TRIM55: variants seen among roughly 807,000 people sequenced by gnomAD.
TRIM55 encodes the protein tripartite motif-containing protein 55.
Under a neutral mutation model 60.9 loss-of-function variants are expected in TRIM55, and 50 were observed. The observed-to-expected ratio is 0.82, with a 90% CI of 0.65 to 1.04. The LOEUF (loss-of-function observed/expected upper bound fraction) is 1.04, where lower values mean the gene tolerates loss of function less well. Ranked by LOEUF, TRIM55 falls within the 50% of genes least tolerant of loss-of-function variation. The pLI, the probability that TRIM55 is intolerant of heterozygous loss-of-function variation, is 0.00. For synonymous variants in TRIM55, 237 were observed against 238.1 expected, an observed-to-expected ratio of 1.00 and a Z score of 0.04; for missense variants, 681 against 666.9, an observed-to-expected ratio of 1.02 and a Z score of -0.23.
chr8:66,114,560 AG>A, the TRIM55 span: 1 of 456,246 alleles, frequency 2.2e-6, no homozygotes, highest in African/African-American at 2.0e-5. Context: ...CTGCATTTCC[AG>A]GGACTCATCT....
upstream of TRIM55, among the ~76,000 whole-genome samples, chr8:66,122,663 G>A (rs1808677407): frequency 6.6e-6 from 1 of 152,148 alleles, no homozygotes; most frequent in Non-Finnish European, 1.5e-5. Flanking sequence ...TCTCGGCCAA[G>A]GTCATTCCAA....
chr8:66,113,713 C>T, the TRIM55 span: 90 of 384,632 alleles, frequency 2.3e-4, 1 homozygote, highest in South Asian at 1.6e-3. Flanking sequence ...TCTTCTTAAC[C>T]CGTCTTTGGC....
At chr8:66,166,684 C>G (rs1473436552) in intron 9 of TRIM55, among the ~76,000 whole-genome samples, 1 of 152,206 alleles carries the variant, frequency 6.6e-6, no homozygotes, top group Non-Finnish European at 1.5e-5. Context: ...AACTGTTAAA[C>G]TTTCCCATTT....
chr8:66,157,040 G>A (rs1437162016), intron 9 of TRIM55, among the ~76,000 whole-genome samples: 1 of 152,192 alleles, frequency 6.6e-6, no homozygotes, highest in East Asian at 1.9e-4. Context: ...CTGAATAATT[G>A]TCTGAAGGGT....
At chr8:66,150,590 A>G in intron 7 of TRIM55, 124 bp downstream of exon 7, 1 of 1,084,690 alleles carries the variant, frequency 9.2e-7, no homozygotes. Context: ...CTTTACAAGG[A>G]TCATATCCAA....
In TRIM55 at chr8:66,127,301, C is replaced by A. The variant is rs1808861657; in HGVS notation, c.33C>A (p.Ser11=). Residue 11 remains serine (S), a synonymous_variant, in exon 1 of 10, where the codon TCC becomes TCA. Transcript: ENST00000315962. ...CATCTCTGAATTACAAATCTTTTTCCAAAGAGCAGCAGACCATGGATAACT... is the reference window on the plus strand; with the variant it reads ...CATCTCTGAATTACAAATCTTTTTCAAAAGAGCAGCAGACCATGGATAACT... The part of the protein sequence containing the change: MSASLNYKSF[S]KEQQTMDNLE... 6.2e-7 allele frequency: 1 copy of A among 1,614,074 alleles called. No homozygotes were observed.
chr8:66,171,120 T>C (rs1407992109), intron 9 of TRIM55, among the ~76,000 whole-genome samples: 1 of 152,194 alleles, frequency 6.6e-6, no homozygotes, highest in Non-Finnish European at 1.5e-5. Flanking sequence ...AGTTCAGGGG[T>C]ACAGGTTTGT....
chr8:66,170,260 C>T (rs1053071451), intron 9 of TRIM55, among the ~76,000 whole-genome samples: 1 of 152,168 alleles, frequency 6.6e-6, no homozygotes, highest in Non-Finnish European at 1.5e-5. Flanking sequence ...TTCCCCAGCC[C>T]CTGGTAACCA....
chr8:66,157,607 G>A (rs1025681263), intron 9 of TRIM55, among the ~76,000 whole-genome samples: 6 of 152,160 alleles, frequency 3.9e-5, no homozygotes, highest in Admixed American at 2.0e-4. Context: ...AGGTGGTCCC[G>A]TGTCAGAGTA....
At chr8:66,117,553 G>A in the TRIM55 span, among the ~76,000 whole-genome samples, 1 of 152,194 alleles carries the variant, frequency 6.6e-6, no homozygotes, top group African/African-American at 2.4e-5. Context: ...ATAGGCAAGG[G>A]CCAGATCATA....
Position 66,175,180 on chromosome 8 carries a change from C to G in TRIM55, c.*587C>G, listed in dbSNP as rs932124413. On this transcript the variant is annotated 3_prime_UTR_variant, in exon 10 of 10. Transcript: ENST00000315962. The stretch of plus-strand genomic sequence containing the variant: ...TTGAATTTGGTGACACTTTCATGGT[C>G]CAGAAAGCTGAAGGCCTGGGCATCT... 3 of 152,564 alleles carry G rather than the reference C, an allele frequency of 2.0e-5. No homozygotes were observed. The highest frequency in any genetic ancestry group is 2.0e-4 in the Admixed American group (3 of 15,276). The allele number at this position is 152,564 out of a possible 1,614,324, so 9.5% of individuals were successfully genotyped here. A position where few individuals can be genotyped will look rare whatever the true frequency, so the allele number is the denominator to read the frequency against.
intron 8 of TRIM55, among the ~76,000 whole-genome samples, chr8:66,153,394 G>A (rs746453307): frequency 3.9e-5 from 6 of 152,178 alleles, no homozygotes; most frequent in Non-Finnish European, 8.8e-5. Flanking sequence ...TCAGCAGACA[G>A]GATCCCAACC....
rs142024021 is a variant in TRIM55 at position 66,147,517 on chromosome 8, C to G, written c.604-2128C>G. ...CACATTAAAAAAAAAATCTATTCCG[C>G]CAGGATTGGTGGCTCACGCCTGTAA... On this transcript the variant is annotated intron_variant, in intron 4 of 9. Transcript: ENST00000315962. Among the ~76,000 whole-genome samples, 4 of 152,232 alleles carry G rather than the reference C, an allele frequency of 2.6e-5. No individual in the cohort carries two copies. In the East Asian group the frequency reaches 7.7e-4, roughly 29 times the overall value.
At chr8:66,127,857 A>C (rs1808908282) in intron 1 of TRIM55, among the ~76,000 whole-genome samples, 1 of 152,174 alleles carries the variant, frequency 6.6e-6, no homozygotes, top group East Asian at 1.9e-4. Context: ...ACAAACAAAC[A>C]AAAAAACTTT....
intron 9 of TRIM55, among the ~76,000 whole-genome samples, chr8:66,160,977 T>C (rs1356892272): frequency 6.6e-6 from 1 of 152,140 alleles, no homozygotes; most frequent in Non-Finnish European, 1.5e-5. Flanking sequence ...GGGTTGTCTA[T>C]TAACTCTGCT....
At chr8:66,150,122 A>G in intron 5 of TRIM55, 95 bp from the exon 6 acceptor site, 5 of 1,413,118 alleles carry the variant, frequency 3.5e-6, no homozygotes, top group East Asian at 2.3e-5. Context: ...AAACTAAGCT[A>G]TGAGATTCTC....
At chr8:66,160,385 G>GTC (rs1218259696) in intron 9 of TRIM55, among the ~76,000 whole-genome samples, 1 of 151,640 alleles carries the variant, frequency 6.6e-6, no homozygotes, top group Non-Finnish European at 1.5e-5. Flanking sequence ...GTGTGTGTGT[G>GTC]TATCACATTT....
chr8:66,160,166 C>G (rs974769894), intron 9 of TRIM55, among the ~76,000 whole-genome samples: 1 of 152,130 alleles, frequency 6.6e-6, no homozygotes, highest in Non-Finnish European at 1.5e-5. Flanking sequence ...TCTCCCAAGT[C>G]TCCAAAGTCC....
intron 3 of TRIM55, among the ~76,000 whole-genome samples, chr8:66,136,403 A>T (rs1563368130): frequency 6.6e-6 from 1 of 152,170 alleles, no homozygotes; most frequent in Non-Finnish European, 1.5e-5. Flanking sequence ...AATGTGAGAA[A>T]ATTAGGGTCA....
Sources: allele counts gnomAD v4.1 joint callset (sites outside exome capture counted in the v4.1 genomes callset), GRCh38; gene constraint gnomAD v4.1.1; transcripts MANE v1.5; gene names NCBI Gene and HGNC (gene_info 2026-07-23, HGNC 2026-07-21).